TMOD1: variants seen among roughly 807,000 people sequenced by gnomAD.
TMOD1 encodes the protein tropomodulin 1.
A neutral mutation model predicts 40.6 loss-of-function variants in TMOD1; 17 were observed. The observed-to-expected ratio is 0.42, with a 90% confidence interval of 0.29 to 0.63. The LOEUF is 0.63. Ranked by LOEUF, TMOD1 falls within the 20% of genes least tolerant of loss-of-function variation. TMOD1 has a pLI of 0.22. For missense variants in TMOD1, 391 were observed against 447.6 expected (o/e 0.87, Z 1.14); for synonymous variants, 181 against 175.0 (o/e 1.03, Z -0.27).
At chr9:97,573,414 G>C (rs907222831) in intron 8 of TMOD1, among the ~76,000 whole-genome samples, 1 of 152,244 alleles carries the variant, frequency 6.6e-6, no homozygotes, top group Non-Finnish European at 1.5e-5. Context: ...AAAGTAGATG[G>C]ATTGTGCTGT....
chr9:97,552,495 T>C (rs1407518142), intron 3 of TMOD1, among the ~76,000 whole-genome samples: 2 of 152,362 alleles, frequency 1.3e-5, no homozygotes, highest in African/African-American at 4.8e-5. Flanking sequence ...TTTGAGGATT[T>C]TACTCACTGC....
intron 8 of TMOD1, among the ~76,000 whole-genome samples, chr9:97,586,509 T>G (rs1454282648): frequency 1.1e-3 from 167 of 152,092 alleles, no homozygotes; most frequent in African/African-American, 3.7e-3. Flanking sequence ...CAGGCAGGCC[T>G]CCTTGAGCTG....
rs1380499545 is a variant in TMOD1, at chr9:97,502,616, C to T, written c.-49+813C>T. Among the ~76,000 whole-genome samples, 1 of 152,186 alleles carries T rather than the reference C, an allele frequency of 6.6e-6. No individual in the cohort carries two copies. The highest frequency in any genetic ancestry group is 1.5e-5 in the Non-Finnish European group (1 of 68,028). On this transcript the variant is annotated intron_variant, in intron 1 of 9. Transcript: ENST00000259365. The surrounding 1 kb of genome is among the most constrained non-coding windows in gnomAD (Gnocchi z 6.1). ...CGCTCCCCACACCTGTTCACCCTCTCCGGGCCTGGGACGCTGGGGTCCCAG... is the reference window on the plus strand; with the variant it reads ...CGCTCCCCACACCTGTTCACCCTCTTCGGGCCTGGGACGCTGGGGTCCCAG...
chr9:97,504,848 A>G (rs751741268), intron 1 of TMOD1, among the ~76,000 whole-genome samples: 4 of 152,200 alleles, frequency 2.6e-5, no homozygotes, highest in Non-Finnish European at 4.4e-5. Flanking sequence ...TGGACCAGCC[A>G]GGCTGCCAAC....
At chr9:97,522,286 G>A (rs537439823) in intron 1 of TMOD1, among the ~76,000 whole-genome samples, 3 of 152,254 alleles carry the variant, frequency 2.0e-5, no homozygotes, top group African/African-American at 7.2e-5. Context: ...TCCTTGGCTT[G>A]TAGTAGCATC....
intron 9 of TMOD1, among the ~76,000 whole-genome samples, chr9:97,598,670 T>G (rs1239880525): frequency 6.6e-6 from 1 of 152,226 alleles, no homozygotes; most frequent in African/African-American, 2.4e-5. Context: ...TGGCCCCACC[T>G]CCCTTGTGGG....
chr9:97,528,002 C>A (rs1355888681), intron 2 of TMOD1, among the ~76,000 whole-genome samples: 1 of 152,150 alleles, frequency 6.6e-6, no homozygotes, highest in Non-Finnish European at 1.5e-5. Context: ...ATGGAGGAGG[C>A]CTCGCAGAAC....
chr9:97,565,863 A>G lies in TMOD1; in HGVS notation c.634A>G (p.Thr212Ala), dbSNP rs1448942372. The change falls in exon 7 of 10, where the codon ACC (threonine) becomes GCC (alanine). Residue 212 changes from threonine (T) to alanine (A), a missense_variant. By Grantham distance (58) the Thr-to-Ala change is moderately conservative. Transcript: ENST00000259365. ...CTTTGTGCAGAATATCCCCATCCCCACCCTCAAGGCATATGCAGAAGCCCT... is the reference window on the plus strand; with the variant it reads ...CTTTGTGCAGAATATCCCCATCCCCGCCCTCAAGGCATATGCAGAAGCCCT... ...LNNIRNIPIP[T>A]LKAYAEALKE... 1 of 1,613,562 alleles carries G rather than the reference A, an allele frequency of 6.2e-7. No homozygotes were observed. Among genetic ancestry groups the G allele is most frequent in the Non-Finnish European group, 8.5e-7 (1 of 1,179,796 alleles).
In TMOD1 at chr9:97,551,858, T is replaced by A. The variant is rs1306954075; in HGVS notation, c.278-1423T>A. ...TCATTTATTTAGGTCTTTAATTTCC[T>A]TCAGTAATGTTTTATAATTTTCATT... On this transcript the variant is annotated intron_variant, in intron 3 of 9. Transcript: ENST00000259365. 2.6e-5 allele frequency among the ~76,000 whole-genome samples: 4 copies of A among 152,210 alleles called. No homozygotes were observed. In the East Asian group the frequency reaches 7.7e-4, roughly 29 times the overall value.
intron 8 of TMOD1, among the ~76,000 whole-genome samples, chr9:97,578,521 A>T (rs1825665332): frequency 6.6e-6 from 1 of 152,172 alleles, no homozygotes; most frequent in African/African-American, 2.4e-5. Flanking sequence ...ATCTGTGTGT[A>T]TCTAGGGTAC....
chr9:97,564,873 G>A (rs1227195091), intron 6 of TMOD1, among the ~76,000 whole-genome samples: 1 of 152,064 alleles, frequency 6.6e-6, no homozygotes, highest in Non-Finnish European at 1.5e-5. Flanking sequence ...GTGGGGGTAA[G>A]ACTAGAAGCC....
intron 9 of TMOD1, among the ~76,000 whole-genome samples, chr9:97,592,090 A>G (rs1564001210): frequency 6.6e-6 from 1 of 152,112 alleles, no homozygotes; most frequent in African/African-American, 2.4e-5. Context: ...TTATATACCT[A>G]TATGAACAAA....
At chr9:97,511,963 A>G (rs189460665) in intron 1 of TMOD1, among the ~76,000 whole-genome samples, 1 of 152,092 alleles carries the variant, frequency 6.6e-6, no homozygotes. Context: ...CAATAAATCT[A>G]TGTCTTCTGC....
At chr9:97,596,865 T>C (rs1392083503) in intron 9 of TMOD1, among the ~76,000 whole-genome samples, 1 of 152,254 alleles carries the variant, frequency 6.6e-6, no homozygotes, top group Non-Finnish European at 1.5e-5. Context: ...GACCACTTCA[T>C]TCTTTATGCC....
chr9:97,563,157 G>A (rs961564209), intron 5 of TMOD1, among the ~76,000 whole-genome samples: 1 of 152,150 alleles, frequency 6.6e-6, no homozygotes, highest in African/African-American at 2.4e-5. Context: ...GGGCTTAAGC[G>A]ATCCTCCCAC....
At chr9:97,566,003 A>C in intron 7 of TMOD1, 48 bp downstream of exon 7, 1 of 1,533,014 alleles carries the variant, frequency 6.5e-7, no homozygotes, top group Non-Finnish European at 9.0e-7. Context: ...GCCTTGAAAC[A>C]GAAGGGTTGA....
chr9:97,590,983 T>C (rs1825988391), intron 8 of TMOD1, among the ~76,000 whole-genome samples: 1 of 152,204 alleles, frequency 6.6e-6, no homozygotes. Context: ...GATGATTGAA[T>C]GTCCTCCTTC....
In TMOD1 at chr9:97,598,327, C is replaced by CAAAAAAA. The variant is rs71369518; in HGVS notation, c.1016-1291_1016-1285dup. Among the ~76,000 whole-genome samples the CAAAAAAA allele has an allele frequency of 8.4e-5, 6 of 71,164 alleles. No individual in the cohort carries two copies. In the East Asian group the frequency reaches 2.1e-3, roughly 24 times the overall value. The allele number at this position is 71,164 out of a possible 152,430, so 46.7% of individuals were successfully genotyped here. A position where few individuals can be genotyped will look rare whatever the true frequency, so the allele number is the denominator to read the frequency against. The stretch of plus-strand genomic sequence containing the variant: ...TGTGTGACAGAGCGAAACTCCATCT[C>CAAAAAAA]AAAAAAAAAAAAAAAAAAAAAAGGC... On this transcript the variant is annotated intron_variant, in intron 9 of 9. Coordinates refer to ENST00000259365, the MANE Select transcript of TMOD1 (RefSeq NM_003275.4).
chr9:97,524,548 A>G (rs1238983757), intron 2 of TMOD1, among the ~76,000 whole-genome samples: 1 of 135,844 alleles, frequency 7.4e-6, no homozygotes, highest in Non-Finnish European at 1.5e-5. Flanking sequence ...CGAGACAGAG[A>G]GAGAAGGGGA....
Sources: allele counts gnomAD v4.1 joint callset (sites outside exome capture counted in the v4.1 genomes callset), GRCh38; gene constraint gnomAD v4.1.1; non-coding constraint Gnocchi (gnomAD v3.1); transcripts MANE v1.5; gene names NCBI Gene and HGNC (gene_info 2026-07-23, HGNC 2026-07-21).